The following MDFI variants were observed in gnomAD, a reference collection of about 807,000 sequenced individuals.
MDFI encodes inhibitor of MyoD family a.
Under a neutral mutation model 22.3 loss-of-function variants are expected in MDFI, and 16 were observed. That is an observed-to-expected ratio of 0.72 (90% CI 0.49 to 1.09). MDFI has a LOEUF of 1.09. Among genes scored for constraint, MDFI ranks in the 50% least tolerant of loss-of-function variants. MDFI has a pLI of 0.00. For synonymous variants in MDFI, 145 were observed against 142.7 expected (o/e 1.02, Z -0.12); for missense variants, 314 against 326.1 (o/e 0.96, Z 0.29).
Position 41,653,422 on chromosome 6 carries a change from C to T in MDFI, c.588C>T (p.Asp196=), listed in dbSNP as rs143230529. Residue 196 remains aspartate (D), a synonymous_variant, in exon 5 of 5, where the codon GAC becomes GAT. Coordinates refer to ENST00000230321, the MANE Select transcript of MDFI (RefSeq NM_005586.4). This position sits in a 1 kb window ranked among gnomAD's most constrained non-coding sequence, Gnocchi z 4.2. ...CCTGTGGCTCCTGCAGCTCGGAGGACTCGTGCCTCTGCTGCTGCTGCTGTG... is the reference window on the plus strand; with the variant it reads ...CCTGTGGCTCCTGCAGCTCGGAGGATTCGTGCCTCTGCTGCTGCTGCTGTG... ...CATCGSCSSE[D]SCLCCCCCGS... 1.9e-3 allele frequency: 3,045 copies of T among 1,608,582 alleles called. 6 individuals are homozygous for T. The highest frequency in any genetic ancestry group is 2.5e-3 in the Non-Finnish European group (2,912 of 1,179,986).
chr6:41,646,183 C>A lies in MDFI; in HGVS notation c.134C>A (p.Ala45Glu). ...GTAGTAACAGGATCCACTCACCCTGCGGAGGCAGCACCAGAGGAGGGCTCC... is the reference window on the plus strand; with the variant it reads ...GTAGTAACAGGATCCACTCACCCTGAGGAGGCAGCACCAGAGGAGGGCTCC... ...LEVVTGSTHP[A>E]EAAPEEGSLE... Residue 45 changes from alanine (A) to glutamate (E), a missense_variant, in exon 3 of 5, where the codon GCG (alanine) becomes GAG (glutamate). Ala to Glu is a moderately radical substitution (Grantham distance 107). Transcript: ENST00000230321. 1 of 1,589,114 alleles carries A rather than the reference C, an allele frequency of 6.3e-7. No individual in the cohort carries two copies. Among genetic ancestry groups the A allele is most frequent in the Non-Finnish European group, 8.6e-7 (1 of 1,168,270 alleles).
At chr6:41,649,897 G>C (rs1581842058) in intron 4 of MDFI, 54 bp downstream of exon 4, 1 of 1,512,810 alleles carries the variant, frequency 6.6e-7, no homozygotes. Context: ...CGGGTTCCTC[G>C]AAGCATGACG....
chr6:41,637,307 A>G (rs970191997), upstream of MDFI: 3 of 151,900 alleles, frequency 2.0e-5, no homozygotes, highest in African/African-American at 7.2e-5. The surrounding 1 kb of genome is among the most constrained non-coding windows in gnomAD (Gnocchi z 6.8). Context: ...GGAGAGTCCA[A>G]GAAGTGGGGA....
chr6:41,651,858 C>A (rs1042909306), intron 4 of MDFI, among the ~76,000 whole-genome samples: 1 of 152,246 alleles, frequency 6.6e-6, no homozygotes, highest in Admixed American at 6.5e-5. Flanking sequence ...AGCTCCACCA[C>A]CTCCCAGCTG....
At position 41,646,133 on chromosome 6, in the gene MDFI, C is replaced by T; in HGVS notation, c.84C>T (p.Thr28=). ...CATCTGCTTTTTTCCTAGCCCAGAC[C>T]CTATCCCTCCTTCCTGGGCTGGAGG... is the stretch of plus-strand genomic sequence containing the variant. The part of the protein sequence containing the change: ...APSAAPGPAQ[T]LSLLPGLEVV... The change falls in exon 3 of 5, where the codon ACC becomes ACT. Residue 28 remains threonine (T), a synonymous_variant. Transcript: ENST00000230321. The T allele has an allele frequency of 2.0e-6, 3 of 1,522,778 alleles. No individual in the cohort carries two copies. Among genetic ancestry groups the T allele is most frequent in the Non-Finnish European group, 1.8e-6 (2 of 1,135,690 alleles). The allele number at this position is 1,522,778 out of a possible 1,614,324, so 94.3% of individuals were successfully genotyped here.
intron 2 of MDFI, among the ~76,000 whole-genome samples, chr6:41,642,540 C>A (rs78640497): frequency 6.6e-6 from 1 of 152,180 alleles, no homozygotes; most frequent in Admixed American, 6.5e-5. Flanking sequence ...GCCACCCGGG[C>A]AGTGTCTCCT....
chr6:41,650,061 C>T lies in MDFI; in HGVS notation c.484+218C>T, dbSNP rs1423387111. 1.5e-5 allele frequency: 8 copies of T among 551,116 alleles called. No individual in the cohort carries two copies. The South Asian group carries it at 2.0e-4, about 14-fold the overall frequency. 34.1% of individuals were successfully genotyped at this position (551,116 alleles called of 1,614,324 possible). A position where few individuals can be genotyped will look rare whatever the true frequency, so the allele number is the denominator to read the frequency against. On this transcript the variant is annotated intron_variant, in intron 4 of 4. Coordinates refer to ENST00000230321, the MANE Select transcript of MDFI (RefSeq NM_005586.4). ...CCAAATCTTAGAACCTTGCAAAGTA[C>T]ACCCGTTGGGTAAAGGTGTACCTGC...
chr6:41,639,472 T>A (rs1767769376), intron 2 of MDFI: 1 of 985,300 alleles, frequency 1.0e-6, no homozygotes, highest in South Asian at 4.7e-5. Flanking sequence ...TACCCGCGAT[T>A]CCTGGGGGAG....
intron 4 of MDFI, among the ~76,000 whole-genome samples, chr6:41,652,402 G>A (rs371328575): frequency 1.6e-4 from 24 of 152,140 alleles, no homozygotes; most frequent in African/African-American, 3.1e-4. Context: ...TATCACAAGC[G>A]ACATGTGAAC....
At chr6:41,647,549 G>T (rs899617746) in intron 3 of MDFI, among the ~76,000 whole-genome samples, 2 of 152,186 alleles carry the variant, frequency 1.3e-5, no homozygotes, top group African/African-American at 4.8e-5. Flanking sequence ...CACACCTCTT[G>T]CTGGAGGCTC....
rs761231002 is a variant in MDFI, at chr6:41,653,604, C to T, written c.*29C>T. ...TCTGTCGGGGGCTAAGCCAGCCTGG[C>T]GCCCCTGCAGATTCCAGCAGGGTCC... On this transcript the variant is annotated 3_prime_UTR_variant, in exon 5 of 5. Coordinates refer to ENST00000230321, the MANE Select transcript of MDFI (RefSeq NM_005586.4). The surrounding 1 kb of genome is among the most constrained non-coding windows in gnomAD (Gnocchi z 4.2). 13 of 1,596,812 alleles carry T rather than the reference C, an allele frequency of 8.1e-6. No homozygotes were observed. Among genetic ancestry groups the T allele is most frequent in the Admixed American group, 1.7e-5 (1 of 59,942 alleles).
At chr6:41,644,203 C>T (rs1289513799) in intron 2 of MDFI, among the ~76,000 whole-genome samples, 3 of 152,168 alleles carry the variant, frequency 2.0e-5, no homozygotes, top group African/African-American at 4.8e-5. Flanking sequence ...TATTTGATTT[C>T]CCAATGATTA....
rs565728955 is a variant in MDFI, at chr6:41,644,406, G to GT, written c.77-1715dup. On this transcript the variant is annotated intron_variant, in intron 2 of 4. Transcript: ENST00000230321. ...CTCCTGTCTCCAGGCAAGCCCTGTG[G>GT]TTTTTCCCTGGGCAGGTGAGAGCAT... 8.8e-3 allele frequency among the ~76,000 whole-genome samples: 1,346 copies of GT among 152,274 alleles called. 12 individuals carry two copies. Among genetic ancestry groups the GT allele is most frequent in the Admixed American group, 0.014 (211 of 15,302 alleles).
upstream of MDFI, chr6:41,637,224 G>A (rs1048452437): frequency 6.6e-6 from 1 of 152,094 alleles, no homozygotes; most frequent in African/African-American, 2.4e-5. The surrounding 1 kb of genome is among the most constrained non-coding windows in gnomAD (Gnocchi z 6.8). Flanking sequence ...CGGCGCCGTG[G>A]GGGCCATCCC....
chr6:41,647,992 C>A (rs1369821466), intron 3 of MDFI, among the ~76,000 whole-genome samples: 1 of 137,160 alleles, frequency 7.3e-6, no homozygotes, highest in Non-Finnish European at 1.5e-5. Flanking sequence ...TGCAGGGAGC[C>A]GGGATTGCGC....
At chr6:41,642,204 A>G (rs1158542504) in intron 2 of MDFI, among the ~76,000 whole-genome samples, 4 of 152,086 alleles carry the variant, frequency 2.6e-5, no homozygotes, top group African/African-American at 9.7e-5. Context: ...GGTCAGATGG[A>G]GCAGGTGCGC....
chr6:41,643,010 G>A (rs1315802741), intron 2 of MDFI, among the ~76,000 whole-genome samples: 2 of 152,142 alleles, frequency 1.3e-5, no homozygotes, highest in African/African-American at 4.8e-5. Context: ...AGGGCAGGGA[G>A]CAGAAGTCCT....
intron 4 of MDFI, chr6:41,650,102 T>TCCCCA: frequency 2.3e-6 from 1 of 433,932 alleles, no homozygotes. Flanking sequence ...CAAGGCCACC[T>TCCCCA]CCCCACCCCA....
chr6:41,639,756 C>T, intron 2 of MDFI: 1 of 985,468 alleles, frequency 1.0e-6, no homozygotes, highest in Middle Eastern at 5.2e-4. Context: ...CCTTTCCCCT[C>T]TTTGACTCTG....
Sources: gnomAD v4.1 joint callset for allele counts (sites outside exome capture counted in the v4.1 genomes callset) on GRCh38, gnomAD v4.1.1 for gene constraint, Gnocchi (gnomAD v3.1) non-coding constraint, MANE v1.5 for transcripts, NCBI Gene and HGNC (gene_info 2026-07-23, HGNC 2026-07-21) for gene names.